The following GPCPD1 variants were observed in gnomAD, a reference collection of about 807,000 sequenced individuals.
The protein encoded by GPCPD1 is glycerophosphocholine phosphodiesterase 1, also known as glycerophosphocholine phosphodiesterase GPCPD1.
GPCPD1 carries 29 observed loss-of-function variants against 89.2 expected under a neutral mutation model. That is an observed-to-expected ratio of 0.33 (90% CI 0.24 to 0.44). The LOEUF (loss-of-function observed/expected upper bound fraction) is 0.44, where lower values mean the gene tolerates loss of function less well. Ranked by LOEUF, GPCPD1 falls within the 20% of genes least tolerant of loss-of-function variation. The pLI, the probability that GPCPD1 is intolerant of heterozygous loss-of-function variation, is 1.00. For synonymous variants in GPCPD1, 258 were observed against 266.3 expected (o/e 0.97, Z 0.30); for missense variants, 594 against 808.9 (o/e 0.73, Z 3.22).
chr20:5,609,597 C>A (rs1256492707), intron 1 of GPCPD1, among the ~76,000 whole-genome samples: 1 of 152,078 alleles, frequency 6.6e-6, no homozygotes. Flanking sequence ...CGTAAAGATT[C>A]GATTCATCAA....
intron 2 of GPCPD1, among the ~76,000 whole-genome samples, chr20:5,601,015 A>G (rs1980095993): frequency 6.6e-6 from 1 of 151,808 alleles, no homozygotes; most frequent in African/African-American, 2.4e-5. Context: ...TAAATAAAAT[A>G]GATAAAAACA....
chr20:5,560,777 A>T (rs1476272790), intron 16 of GPCPD1, among the ~76,000 whole-genome samples: 1 of 152,212 alleles, frequency 6.6e-6, no homozygotes, highest in Non-Finnish European at 1.5e-5. Flanking sequence ...CTCAATGCCC[A>T]ATCATGACAT....
At position 5,575,913 on chromosome 20, in the gene GPCPD1, G is replaced by C. The variant is rs940521095; in HGVS notation, c.771C>G (p.Leu257=). The stretch of plus-strand genomic sequence containing the variant: ...CACTCTCAGCAATGGTGGATGATAA[G>C]AGACAAGCTGTACCCACATGTCCAG... ...ALPGHVGTAC[L]LSSTIAESGK... The change falls in exon 9 of 20, where the codon CTC becomes CTG. Residue 257 remains leucine, a synonymous_variant. Transcript: ENST00000379019. The C allele has an allele frequency of 1.9e-6, 3 of 1,603,560 alleles. No homozygotes were observed. Among genetic ancestry groups the C allele is most frequent in the Non-Finnish European group, 2.6e-6 (3 of 1,170,610 alleles).
At position 5,569,451 on chromosome 20, in the gene GPCPD1, A is replaced by C. The variant is rs533858874; in HGVS notation, c.1149+696T>G. ...ATCATGATTATGTTTGTACAAAAAC[A>C]ATTACAGTTTTTTTACAGCTATGTA... On this transcript the variant is annotated intron_variant, in intron 12 of 19. Transcript: ENST00000379019. 3.4e-3 allele frequency among the ~76,000 whole-genome samples: 520 copies of C among 152,192 alleles called. 5 individuals are homozygous for C. The highest frequency in any genetic ancestry group is 0.012 in the African/African-American group (484 of 41,522).
At chr20:5,586,085 C>A (rs1217869189) in intron 5 of GPCPD1, 109 bp downstream of exon 5, 2 of 547,202 alleles carry the variant, frequency 3.7e-6, no homozygotes, top group South Asian at 3.0e-5. Context: ...ACTGACAATG[C>A]ATTGACCTTA....
intron 2 of GPCPD1, among the ~76,000 whole-genome samples, chr20:5,599,835 G>A (rs1980002719): frequency 6.6e-6 from 1 of 152,182 alleles, no homozygotes; most frequent in Non-Finnish European, 1.5e-5. Flanking sequence ...TTACAGGCAT[G>A]AGCCGCCGCG....
intron 3 of GPCPD1, among the ~76,000 whole-genome samples, chr20:5,596,170 G>A (rs575129483): frequency 3.3e-5 from 5 of 152,162 alleles, no homozygotes; most frequent in South Asian, 4.1e-4. Context: ...AGGCTGAGGC[G>A]GGAGGGCAGC....
At chr20:5,573,705 T>C (rs1986849802) in intron 11 of GPCPD1, among the ~76,000 whole-genome samples, 1 of 152,124 alleles carries the variant, frequency 6.6e-6, no homozygotes, top group Admixed American at 6.5e-5. Context: ...TTCGCACCAC[T>C]GCATTCCAGG....
intron 1 of GPCPD1, among the ~76,000 whole-genome samples, chr20:5,605,040 A>G (rs984682375): frequency 3.9e-5 from 6 of 152,178 alleles, no homozygotes; most frequent in African/African-American, 1.4e-4. Context: ...AAAAAAAAAG[A>G]TTAATTTCAG....
intron 1 of GPCPD1, among the ~76,000 whole-genome samples, chr20:5,606,494 A>C (rs1261364770): frequency 6.6e-6 from 1 of 152,168 alleles, no homozygotes; most frequent in Admixed American, 6.6e-5. Context: ...TGAATCATTT[A>C]ATGAACACTG....
intron 10 of GPCPD1, among the ~76,000 whole-genome samples, chr20:5,575,044 T>C (rs73587608): frequency 0.012 from 1,846 of 152,320 alleles, 41 homozygotes; most frequent in African/African-American, 0.04. Flanking sequence ...AGTCACACTT[T>C]TCTAGACTTG....
In GPCPD1 at chr20:5,547,835, C is replaced by T. The variant is rs1430908683; in HGVS notation, c.1845G>A (p.Met615Ile). 3.1e-6 allele frequency: 5 copies of T among 1,593,090 alleles called. No individual in the cohort carries two copies. The highest frequency in any genetic ancestry group is 4.3e-6 in the Non-Finnish European group (5 of 1,163,084). The change falls in exon 20 of 20, where the codon ATG (methionine) becomes ATA (isoleucine). Residue 615 changes from methionine to isoleucine, a missense_variant. Met to Ile is a conservative substitution (Grantham distance 10, BLOSUM62 1). Coordinates refer to ENST00000379019, the MANE Select transcript of GPCPD1 (RefSeq NM_019593.5). Reference protein sequence around the residue: ...GLIYDRIYDWMPEQPNIFQVE... With the variant: ...GLIYDRIYDWIPEQPNIFQVE... ...CTTGGAATATATTTGGTTGTTCAGG[C>T]ATCCAATCATATATCCTATGATGAA...
At chr20:5,584,408 C>G in intron 5 of GPCPD1, 86 bp from the exon 6 acceptor site, 1 of 655,764 alleles carries the variant, frequency 1.5e-6, no homozygotes. Context: ...CCTTAAAGAT[C>G]GTTTATAATA....
chr20:5,587,777 T>C (rs896433853), intron 4 of GPCPD1, among the ~76,000 whole-genome samples: 3 of 152,212 alleles, frequency 2.0e-5, no homozygotes, highest in Non-Finnish European at 2.9e-5. Context: ...TAATATTGAT[T>C]AAATTTGACG....
chr20:5,610,642 G>A (rs1980904093), intron 1 of GPCPD1, among the ~76,000 whole-genome samples, 200 bp downstream of exon 1: 1 of 151,984 alleles, frequency 6.6e-6, no homozygotes. Context: ...AAGTCGAAGA[G>A]TGCGTCCCAG....
chr20:5,561,175 G>C (rs1311189949), intron 16 of GPCPD1, among the ~76,000 whole-genome samples: 1 of 152,120 alleles, frequency 6.6e-6, no homozygotes, highest in Non-Finnish European at 1.5e-5. Flanking sequence ...AAATCCAAGA[G>C]ATGTGACTAT....
At chr20:5,589,484 T>C (rs1471219860) in intron 4 of GPCPD1, among the ~76,000 whole-genome samples, 1 of 152,042 alleles carries the variant, frequency 6.6e-6, no homozygotes, top group Non-Finnish European at 1.5e-5. Context: ...TAGTGGTGCA[T>C]GCCTGTAATC....
At chr20:5,567,635 T>C (rs1018749192) in intron 12 of GPCPD1, 75 bp from the exon 13 acceptor site, 2 of 1,312,892 alleles carry the variant, frequency 1.5e-6, no homozygotes, top group Non-Finnish European at 2.1e-6. Context: ...CCCTAAATTA[T>C]TACTGAATGC....
chr20:5,562,723 A>G (rs1001633639), intron 15 of GPCPD1, among the ~76,000 whole-genome samples: 1 of 152,244 alleles, frequency 6.6e-6, no homozygotes, highest in African/African-American at 2.4e-5. Context: ...GTGACCTGGC[A>G]TCTAGCTCTG....
Sources: allele counts gnomAD v4.1 joint callset (sites outside exome capture counted in the v4.1 genomes callset), GRCh38; gene constraint gnomAD v4.1.1; transcripts MANE v1.5; gene names NCBI Gene and HGNC (gene_info 2026-07-23, HGNC 2026-07-21).